The following ATXN7 variants were observed in gnomAD, a reference collection of about 807,000 sequenced individuals.
ATXN7 encodes the protein ataxin 7, also known as ataxin-7.
ATXN7 carries 12 observed loss-of-function variants against 70.5 expected under a neutral mutation model. The ratio of observed to expected loss-of-function variants is 0.17; its 90% CI spans 0.11 to 0.28. ATXN7 has a LOEUF of 0.28. ATXN7 is among the 10% of genes least tolerant of loss of function. The probability of loss-of-function intolerance (pLI) is 1.00; values close to 1 mark genes in which losing one functional copy is unlikely to be tolerated. For synonymous variants in ATXN7, 498 were observed against 448.7 expected (o/e 1.11, Z -1.39); for missense variants, 1,256 against 1,131.7 (o/e 1.11, Z -1.58).
chr3:63,952,835 CTTTTTTT>C lies in ATXN7; in HGVS notation c.499+377_499+383del, dbSNP rs59256288. ...ACACTCACAATATGGATGCATGGGC[CTTTTTTT>C]TTTTTTTTTTTTTTTTTTTTTTTTA... On this transcript the variant is annotated intron_variant, in intron 5 of 12. Transcript: ENST00000674280. Among the ~76,000 whole-genome samples the C allele has an allele frequency of 1.6e-3, 80 of 49,156 alleles. 1 individual carries two copies. Among genetic ancestry groups the C allele is most frequent in the African/African-American group, 7.6e-3 (74 of 9,800 alleles). 32.2% of individuals were successfully genotyped at this position (49,156 alleles called of 152,430 possible).
At chr3:63,883,140 G>C (rs1398357235) in intron 1 of ATXN7, among the ~76,000 whole-genome samples, 1 of 152,164 alleles carries the variant, frequency 6.6e-6, no homozygotes, top group African/African-American at 2.4e-5. Flanking sequence ...TGGAAACAGG[G>C]CCCTTAATTT....
intron 4 of ATXN7, among the ~76,000 whole-genome samples, chr3:63,926,787 T>G (rs551128973): frequency 6.6e-6 from 1 of 152,198 alleles, no homozygotes; most frequent in South Asian, 2.1e-4. Flanking sequence ...CCGTTTTTTT[T>G]AATTTGTCCT....
intron 1 of ATXN7, among the ~76,000 whole-genome samples, chr3:63,876,147 G>A (rs927214712): frequency 2.6e-5 from 4 of 152,012 alleles, no homozygotes; most frequent in African/African-American, 9.7e-5. Context: ...GTGAGCCTTT[G>A]GAATCCTTCA....
rs1276856011 is a variant in ATXN7 at position 63,864,060 on chromosome 3, C to T, written c.-209C>T. Reference sequence around the variant, plus strand: ...AGTTGGGGCGAGGCTTGGCGGCCGGCGGCGGCCCCGGCTGCAGCCCGGGCT... The same window carrying T: ...AGTTGGGGCGAGGCTTGGCGGCCGGTGGCGGCCCCGGCTGCAGCCCGGGCT... On this transcript the variant is annotated 5_prime_UTR_variant, in exon 1 of 13. Coordinates refer to ENST00000674280, the MANE Select transcript of ATXN7 (RefSeq NM_001377405.1). Among the ~76,000 whole-genome samples, 1 of 145,494 alleles carries T rather than the reference C, an allele frequency of 6.9e-6. No homozygotes were observed. The highest frequency in any genetic ancestry group is 1.5e-5 in the Non-Finnish European group (1 of 65,462).
intron 4 of ATXN7, among the ~76,000 whole-genome samples, chr3:63,938,084 C>CT (rs1415485111): frequency 6.6e-6 from 1 of 152,186 alleles, no homozygotes; most frequent in Non-Finnish European, 1.5e-5. Flanking sequence ...AGACATCAAT[C>CT]TGAATTGTAG....
chr3:63,897,513 A>G (rs955797611), intron 1 of ATXN7, among the ~76,000 whole-genome samples: 2 of 152,182 alleles, frequency 1.3e-5, no homozygotes, highest in African/African-American at 4.8e-5. Context: ...GGCCATAGGA[A>G]TATTTGGTTA....
At chr3:63,927,992 C>T (rs771072975) in intron 4 of ATXN7, among the ~76,000 whole-genome samples, 41 of 152,334 alleles carry the variant, frequency 2.7e-4, no homozygotes, top group Non-Finnish European at 4.7e-4. Flanking sequence ...AGTTTATAAT[C>T]TATTCATGAA....
chr3:63,875,860 A>G (rs1183463244), intron 1 of ATXN7, among the ~76,000 whole-genome samples: 2 of 152,102 alleles, frequency 1.3e-5, no homozygotes, highest in African/African-American at 4.8e-5. Flanking sequence ...TTAAAGTTTC[A>G]TTGTAGTCTG....
upstream of ATXN7, chr3:63,863,547 C>G (rs1370316077): frequency 1.7e-6 from 2 of 1,194,898 alleles, no homozygotes; most frequent in African/African-American, 3.2e-5. Context: ...CGGGGAAAGC[C>G]GAGGGTCTCC....
intron 4 of ATXN7, among the ~76,000 whole-genome samples, chr3:63,938,222 TGAA>T (rs1235430092): frequency 1.3e-5 from 2 of 152,190 alleles, no homozygotes; most frequent in East Asian, 3.8e-4. Context: ...CTGCAAAGTC[TGAA>T]GAAGTAAAAC....
chr3:63,898,519 G>A (rs1001776124), intron 2 of ATXN7, 22 bp downstream of exon 2: 1 of 152,146 alleles, frequency 6.6e-6, no homozygotes, highest in Non-Finnish European at 1.5e-5. Context: ...TTCTGATATC[G>A]CAAACACAGT....
intron 4 of ATXN7, among the ~76,000 whole-genome samples, chr3:63,931,574 T>G (rs1158573405): frequency 6.6e-6 from 1 of 152,100 alleles, no homozygotes; most frequent in Non-Finnish European, 1.5e-5. Context: ...GATCCAGTGT[T>G]CTCTTTTCCT....
At chr3:63,909,618 T>C (rs1703946293) in intron 2 of ATXN7, among the ~76,000 whole-genome samples, 1 of 152,214 alleles carries the variant, frequency 6.6e-6, no homozygotes, top group African/African-American at 2.4e-5. Flanking sequence ...AATTCAGATA[T>C]CAGATGCAGT....
chr3:63,997,870 A>G (rs1045832620), intron 12 of ATXN7: 1 of 985,256 alleles, frequency 1.0e-6, no homozygotes, highest in Non-Finnish European at 1.2e-6. Flanking sequence ...TGGGGAAAAT[A>G]TTTGTGAATT....
At position 63,982,245 on chromosome 3, in the gene ATXN7, A is replaced by C; in HGVS notation, c.812A>C (p.Lys271Thr). 1 of 1,614,122 alleles carries C rather than the reference A, an allele frequency of 6.2e-7. No individual in the cohort carries two copies. The highest frequency in any genetic ancestry group is 8.5e-7 in the Non-Finnish European group (1 of 1,180,004). The change falls in exon 7 of 13, where the codon AAA becomes ACA. Residue 271 changes from lysine (K) to threonine (T), a missense_variant. Transcript: ENST00000674280. ...IHPKMDGTLL[K>T]SAVGPTCPAT... Reference sequence around the variant, plus strand: ...CCGAAAATGGATGGCACACTACTGAAATCTGCGGTGGGGCCAACCTGTCCT... The same window carrying C: ...CCGAAAATGGATGGCACACTACTGACATCTGCGGTGGGGCCAACCTGTCCT...
chr3:63,966,198 A>G (rs972859113), intron 5 of ATXN7, among the ~76,000 whole-genome samples: 4 of 152,160 alleles, frequency 2.6e-5, no homozygotes, highest in African/African-American at 9.7e-5. Context: ...GTTCTGTCAT[A>G]CAAGTACAGT....
rs1299214764 is a variant in ATXN7 at position 63,995,622 on chromosome 3, T to C, written c.1800T>C (p.Ser600=). The part of the protein sequence containing the change: ...GVSYLAAATV[S]TSPVLLSSTC... ...GCTATCTGGCAGCAGCCACCGTCTC[T>C]ACATCCCCAGTCCTGCTCTCATCTA... The change falls in exon 12 of 13, where the codon TCT becomes TCC. Residue 600 remains serine, a synonymous_variant. Coordinates refer to ENST00000674280, the MANE Select transcript of ATXN7 (RefSeq NM_001377405.1). 1.2e-6 allele frequency: 2 copies of C among 1,614,206 alleles called. No homozygotes were observed. Among genetic ancestry groups the C allele is most frequent in the Non-Finnish European group, 1.7e-6 (2 of 1,180,042 alleles).
At chr3:63,865,049 C>G (rs538774823) in intron 1 of ATXN7, 16 of 152,228 alleles carry the variant, frequency 1.1e-4, no homozygotes, top group African/African-American at 3.9e-4. Context: ...TTCCTGTCCC[C>G]CAAGTAGATC....
chr3:63,982,623 AGTGTGTGTGT>A (rs71099784), intron 7 of ATXN7, among the ~76,000 whole-genome samples, 178 bp downstream of exon 7: 16 of 143,574 alleles, frequency 1.1e-4, no homozygotes, highest in South Asian at 7.1e-4. Context: ...AAAGAGCATG[AGTGTGTGTGT>A]GTGTGTGTGT....
Sources: allele counts gnomAD v4.1 joint callset (sites outside exome capture counted in the v4.1 genomes callset), GRCh38; gene constraint gnomAD v4.1.1; transcripts MANE v1.5; gene names NCBI Gene and HGNC (gene_info 2026-07-23, HGNC 2026-07-21).